The following CHFR variants were observed in gnomAD, a reference collection of about 807,000 sequenced individuals.
CHFR encodes checkpoint with forkhead and ring finger domains, also known as E3 ubiquitin-protein ligase CHFR.
CHFR carries 57 observed loss-of-function variants against 87.6 expected under a neutral mutation model. The observed-to-expected ratio is 0.65, with a 90% CI of 0.53 to 0.81. The LOEUF (loss-of-function observed/expected upper bound fraction) is 0.81, where lower values mean the gene tolerates loss of function less well. Ranked by LOEUF, CHFR falls within the 30% of genes least tolerant of loss-of-function variation. The pLI is 0.00. For missense variants in CHFR, 797 were observed against 865.8 expected, an observed-to-expected ratio of 0.92 and a Z score of 1.00; for synonymous variants, 381 against 359.2, an observed-to-expected ratio of 1.06 and a Z score of -0.69.
chr12:132,875,813 TAAG>T (rs1566201772), intron 3 of CHFR, among the ~76,000 whole-genome samples: 8 of 152,180 alleles, frequency 5.3e-5, no homozygotes, highest in Non-Finnish European at 1.0e-4. Flanking sequence ...GAAACTATCC[TAAG>T]ATAATGAAAA....
intron 5 of CHFR, among the ~76,000 whole-genome samples, chr12:132,870,126 G>C (rs934128443): frequency 1.3e-5 from 2 of 152,134 alleles, no homozygotes; most frequent in Non-Finnish European, 2.9e-5. Context: ...GCTGAGGCGG[G>C]TAGATCACGA....
chr12:132,858,847 G>A (rs1437733684), intron 8 of CHFR, among the ~76,000 whole-genome samples: 2 of 150,072 alleles, frequency 1.3e-5, no homozygotes, highest in Admixed American at 1.3e-4. Context: ...AGAAGGCTGA[G>A]GTCAGAGAAC....
intron 17 of CHFR, among the ~76,000 whole-genome samples, chr12:132,842,581 G>A (rs906853771): frequency 4.6e-5 from 7 of 152,202 alleles, no homozygotes; most frequent in South Asian, 2.1e-4. Context: ...TGCAGATGGC[G>A]CTGTGAACCT....
intron 12 of CHFR, chr12:132,850,063 C>T (rs1950906680): frequency 6.6e-6 from 1 of 152,168 alleles, no homozygotes. Flanking sequence ...ACGCCATTCT[C>T]CTGCCTCAGC....
chr12:132,843,947 C>CAA (rs150643970), intron 16 of CHFR, 80 bp downstream of exon 16: 896 of 750,384 alleles, frequency 1.2e-3, no homozygotes, highest in Middle Eastern at 3.8e-3. Flanking sequence ...GAAACTGTCT[C>CAA]AAAAAAAAAA....
intron 12 of CHFR, among the ~76,000 whole-genome samples, chr12:132,851,372 G>A (rs1453713853): frequency 1.3e-5 from 2 of 152,158 alleles, no homozygotes; most frequent in East Asian, 1.9e-4. Flanking sequence ...GCTGGCAGGG[G>A]ATAGACACAG....
chr12:132,841,707 A>G, intron 17 of CHFR, 111 bp from the exon 18 acceptor site: 1 of 865,426 alleles, frequency 1.2e-6, no homozygotes, highest in Non-Finnish European at 2.0e-6. Flanking sequence ...CGGAAACCAT[A>G]CACAGAAAGA....
chr12:132,873,156 C>G (rs765179199), intron 3 of CHFR, among the ~76,000 whole-genome samples: 8 of 152,186 alleles, frequency 5.3e-5, no homozygotes, highest in Non-Finnish European at 8.8e-5. Context: ...CAGCTTCACT[C>G]CCGAGGCCCC....
chr12:132,869,494 A>T, intron 6 of CHFR, 125 bp downstream of exon 6: 1 of 806,252 alleles, frequency 1.2e-6, no homozygotes, highest in Non-Finnish European at 2.0e-6. Flanking sequence ...CTCCTACAGA[A>T]ATCTCACTAC....
chr12:132,882,609 C>T (rs77439977), intron 2 of CHFR, among the ~76,000 whole-genome samples: 5,171 of 152,136 alleles, frequency 0.034, 289 homozygotes, highest in African/African-American at 0.12. Flanking sequence ...TGAGCGTTAA[C>T]TGCCAGGACA....
intron 6 of CHFR, among the ~76,000 whole-genome samples, chr12:132,864,366 A>C (rs1951284603): frequency 1.3e-5 from 2 of 152,338 alleles, no homozygotes; most frequent in Admixed American, 6.5e-5. Flanking sequence ...CCATCTTACC[A>C]CTTACAGAAT....
chr12:132,875,007 G>A (rs1951596736), intron 3 of CHFR, among the ~76,000 whole-genome samples: 1 of 149,168 alleles, frequency 6.7e-6, no homozygotes, highest in Admixed American at 6.7e-5. Context: ...AGCACCCAGC[G>A]TGGAGAAGCC....
rs557461509 is a variant in CHFR, at chr12:132,844,086, C to A, written c.1784G>T (p.Arg595Leu). 1.2e-6 allele frequency: 2 copies of A among 1,613,646 alleles called. No individual in the cohort carries two copies. The highest frequency in any genetic ancestry group is 1.7e-6 in the Non-Finnish European group (2 of 1,179,782). The change falls in exon 16 of 18, where the codon CGC becomes CTC. Residue 595 changes from arginine (R) to leucine (L), a missense_variant. Around this residue, in one of 2 missense-constraint regions of CHFR, gnomAD observed 200 missense variants for 264.6 expected, o/e 0.76. Transcript: ENST00000450056. ...DTVLCYCCGL[R>L]SFRELTYQYR... ...CTGATAGGTCAGCTCACGGAAGCTG[C>A]GCAGGCCACAGCAGTAACACAGAAC...
chr12:132,859,363 T>C, intron 7 of CHFR, 136 bp from the exon 8 acceptor site: 1 of 878,578 alleles, frequency 1.1e-6, no homozygotes, highest in Non-Finnish European at 1.7e-6. Flanking sequence ...CAGTCTTTTT[T>C]TTTTCGAGAC....
At chr12:132,863,625 C>T (rs1210634599) in intron 6 of CHFR, among the ~76,000 whole-genome samples, 1 of 152,152 alleles carries the variant, frequency 6.6e-6, no homozygotes, top group Admixed American at 6.6e-5. Flanking sequence ...TGCGTGTGAA[C>T]TATTTTACAA....
chr12:132,878,745 GGGA>G (rs1160764716), intron 2 of CHFR, among the ~76,000 whole-genome samples: 1 of 147,958 alleles, frequency 6.8e-6, no homozygotes, highest in African/African-American at 2.5e-5. Flanking sequence ...GCGAGAACCC[GGGA>G]GGAGGAGCTT....
At chr12:132,846,913 A>G in intron 15 of CHFR, 130 bp downstream of exon 15, 1 of 701,202 alleles carries the variant, frequency 1.4e-6, no homozygotes. Context: ...AACAACCTGA[A>G]AGCATCAGGA....
At chr12:132,844,519 C>CA (rs1299553253) in intron 15 of CHFR, among the ~76,000 whole-genome samples, 6,388 of 111,606 alleles carry the variant, frequency 0.057, 953 homozygotes, top group Non-Finnish European at 0.1. Context: ...CTCCTGACCT[C>CA]GTGATCCACC....
At chr12:132,853,373 G>A (rs777595033) in intron 11 of CHFR, 58 bp downstream of exon 11, 24 of 1,425,464 alleles carry the variant, frequency 1.7e-5, no homozygotes, top group Middle Eastern at 2.3e-4. Flanking sequence ...CGTCAGCACC[G>A]GGCACAGCCA....
Sources: allele counts gnomAD v4.1 joint callset (sites outside exome capture counted in the v4.1 genomes callset), GRCh38; gene constraint gnomAD v4.1.1; regional missense constraint gnomAD v4.1.1; transcripts MANE v1.5; gene names NCBI Gene and HGNC (gene_info 2026-07-23, HGNC 2026-07-21).